The following CSMD1 variants were observed in gnomAD, a reference collection of about 807,000 sequenced individuals.
The protein encoded by CSMD1 is CUB and sushi domain-containing protein 1.
A neutral mutation model predicts 417.5 loss-of-function variants in CSMD1; 213 were observed. The observed-to-expected ratio is 0.51, with a 90% CI of 0.46 to 0.57. CSMD1 has a LOEUF of 0.57. CSMD1 is among the 20% of genes least tolerant of loss of function. CSMD1 has a pLI of 0.00. For synonymous variants in CSMD1, 2,862 were observed against 1,736.8 expected (o/e 1.65, Z -16.11); for missense variants, 6,923 against 4,529.7 (o/e 1.53, Z -15.17).
chr8:3,741,335 T>A (rs1023829718), intron 6 of CSMD1, among the ~76,000 whole-genome samples: 3 of 151,728 alleles, frequency 2.0e-5, no homozygotes, highest in African/African-American at 7.3e-5. Flanking sequence ...CAGCTTCCCT[T>A]TCAAGAAGTT....
intron 3 of CSMD1, among the ~76,000 whole-genome samples, chr8:4,355,004 T>C (rs1033975198): frequency 1.3e-5 from 2 of 151,852 alleles, no homozygotes; most frequent in African/African-American, 4.8e-5. Context: ...GGCTCACGCC[T>C]GTAATCCCAG....
chr8:3,876,873 A>G (rs1805858692), intron 5 of CSMD1, among the ~76,000 whole-genome samples: 1 of 152,186 alleles, frequency 6.6e-6, no homozygotes, highest in Non-Finnish European at 1.5e-5. Flanking sequence ...TGGCCTCCCA[A>G]AATCATGCGT....
intron 3 of CSMD1, among the ~76,000 whole-genome samples, chr8:4,203,654 G>A (rs1162624932): frequency 1.3e-5 from 2 of 152,054 alleles, no homozygotes; most frequent in East Asian, 3.9e-4. Context: ...CACATTGGAA[G>A]TTGGTTCCTC....
intron 9 of CSMD1, among the ~76,000 whole-genome samples, chr8:3,583,133 C>T (rs947193891): frequency 1.3e-5 from 2 of 152,044 alleles, no homozygotes; most frequent in African/African-American, 4.8e-5. Context: ...TCCTAACAGC[C>T]TGTCTTTCAG....
intron 5 of CSMD1, among the ~76,000 whole-genome samples, chr8:3,832,284 G>T (rs1417304552): frequency 6.6e-6 from 1 of 152,140 alleles, no homozygotes; most frequent in African/African-American, 2.4e-5. Context: ...GAGTACACGG[G>T]ATTATTTTAA....
chr8:4,640,216 G>C (rs115458891), intron 1 of CSMD1, among the ~76,000 whole-genome samples: 38 of 152,152 alleles, frequency 2.5e-4, no homozygotes, highest in African/African-American at 8.9e-4. Context: ...TCCATTCATT[G>C]ACATTCCATA....
intron 5 of CSMD1, among the ~76,000 whole-genome samples, chr8:3,763,335 T>G (rs866500079): frequency 2.6e-5 from 4 of 152,202 alleles, no homozygotes; most frequent in Middle Eastern, 6.8e-3. Flanking sequence ...GTGGGAGGTG[T>G]TGGTGTCATG....
intron 23 of CSMD1, among the ~76,000 whole-genome samples, chr8:3,317,543 G>T (rs905731089): frequency 6.6e-6 from 1 of 152,114 alleles, no homozygotes; most frequent in African/African-American, 2.4e-5. Context: ...TGTATAGCAA[G>T]GGGTGAATAG....
chr8:3,292,609 G>A (rs189520192), intron 25 of CSMD1, among the ~76,000 whole-genome samples: 2,040 of 152,114 alleles, frequency 0.013, 50 homozygotes, highest in African/African-American at 0.046. Context: ...TTTGATCTTT[G>A]TTGGTTTAAA....
chr8:4,745,233 C>T (rs1341891721), intron 1 of CSMD1, among the ~76,000 whole-genome samples: 1 of 152,088 alleles, frequency 6.6e-6, no homozygotes, highest in Non-Finnish European at 1.5e-5. Flanking sequence ...GTTGTCTCAG[C>T]AGTTTTTGGT....
intron 1 of CSMD1, among the ~76,000 whole-genome samples, chr8:4,885,982 CTTATTTACTTAT>C (rs1207125557): frequency 2.4e-5 from 3 of 122,622 alleles, no homozygotes; most frequent in Admixed American, 1.7e-4. Flanking sequence ...TTTTTATTTA[CTTATTTACTTAT>C]TTATTTACTT....
chr8:4,197,170 C>T (rs1429125229), intron 3 of CSMD1, among the ~76,000 whole-genome samples: 1 of 152,096 alleles, frequency 6.6e-6, no homozygotes, highest in Non-Finnish European at 1.5e-5. Context: ...CTCCTACGGT[C>T]AAAAAATGTG....
intron 5 of CSMD1, among the ~76,000 whole-genome samples, chr8:3,907,498 T>C (rs1408991875): frequency 6.6e-6 from 1 of 152,176 alleles, no homozygotes; most frequent in Non-Finnish European, 1.5e-5. Context: ...AGTGGCCTAT[T>C]AAGTATCATC....
intron 3 of CSMD1, among the ~76,000 whole-genome samples, chr8:4,376,606 A>AG (rs140442457): frequency 0.046 from 6,957 of 152,104 alleles, 514 homozygotes; most frequent in African/African-American, 0.16. Flanking sequence ...GACAATTTTT[A>AG]GGGGGGAATT....
At position 4,752,869 on chromosome 8, in the gene CSMD1, A is replaced by G. The variant is rs557776910; in HGVS notation, c.86-115311T>C. 1.4e-3 allele frequency among the ~76,000 whole-genome samples: 217 copies of G among 152,326 alleles called. 2 individuals carry two copies. The highest frequency in any genetic ancestry group is 4.8e-3 in the Admixed American group (73 of 15,296). On this transcript the variant is annotated intron_variant, in intron 1 of 69. Transcript: ENST00000635120. ...AAGTTGAGGAACTAGGCAGATCAGC[A>G]TGTCTTTTCTCCCAAAGATCCTGCA...
At chr8:4,011,051 A>G (rs1267464076) in intron 4 of CSMD1, among the ~76,000 whole-genome samples, 1 of 152,188 alleles carries the variant, frequency 6.6e-6, no homozygotes, top group Non-Finnish European at 1.5e-5. Context: ...ATCTCTTGCC[A>G]AATCCTCACT....
rs148288107 is a variant in CSMD1 at position 4,899,220 on chromosome 8, C to T, written c.85+95112G>A. 4.6e-4 allele frequency among the ~76,000 whole-genome samples: 70 copies of T among 152,270 alleles called. 1 individual carries two copies. The East Asian group carries it at 0.013, about 29-fold the overall frequency. ...CTATCGGAAGAAACATCATTTGAAGCAAATACTTCAGAGAAGTTTTGGTTG... is the reference window on the plus strand; with the variant it reads ...CTATCGGAAGAAACATCATTTGAAGTAAATACTTCAGAGAAGTTTTGGTTG... On this transcript the variant is annotated intron_variant, in intron 1 of 69. Coordinates refer to ENST00000635120, the MANE Select transcript of CSMD1 (RefSeq NM_033225.6).
chr8:3,290,301 G>C (rs1453911217), intron 25 of CSMD1, among the ~76,000 whole-genome samples: 3 of 146,896 alleles, frequency 2.0e-5, no homozygotes, highest in Non-Finnish European at 4.4e-5. Flanking sequence ...GATTGACTTG[G>C]TGATTTGGGC....
At chr8:4,102,056 G>C (rs914726122) in intron 3 of CSMD1, among the ~76,000 whole-genome samples, 2 of 152,156 alleles carry the variant, frequency 1.3e-5, no homozygotes, top group African/African-American at 4.8e-5. Context: ...AGTCTTCTGA[G>C]ATCAGCAAGT....
Sources: gnomAD v4.1 joint callset for allele counts (sites outside exome capture counted in the v4.1 genomes callset) on GRCh38, gnomAD v4.1.1 for gene constraint, MANE v1.5 for transcripts, NCBI Gene and HGNC (gene_info 2026-07-23, HGNC 2026-07-21) for gene names.